The following GREB1 variants were observed in gnomAD, a reference collection of about 807,000 sequenced individuals.
GREB1 encodes growth regulating estrogen receptor binding 1, also known as protein GREB1.
In GREB1, 106 loss-of-function variants were observed where a neutral mutation model predicts 200.7. That is an observed-to-expected ratio of 0.53 (90% CI 0.45 to 0.62). The LOEUF (loss-of-function observed/expected upper bound fraction) is 0.62, where lower values mean the gene tolerates loss of function less well. GREB1 is among the 20% of genes least tolerant of loss of function. The pLI is 0.00. For synonymous variants in GREB1, 1,132 were observed against 1,092.4 expected (o/e 1.04, Z -0.72); for missense variants, 2,243 against 2,556.8 (o/e 0.88, Z 2.65).
chr2:11,600,319 G>A (rs548814304), intron 15 of GREB1, among the ~76,000 whole-genome samples: 1 of 152,140 alleles, frequency 6.6e-6, no homozygotes, highest in African/African-American at 2.4e-5. Flanking sequence ...TGCAGAGCTG[G>A]GCCTGTCTCC....
At chr2:11,627,592 C>A (rs2148405441) in intron 25 of GREB1, among the ~76,000 whole-genome samples, 1 of 152,358 alleles carries the variant, frequency 6.6e-6, no homozygotes, top group Non-Finnish European at 1.5e-5. Context: ...TATTGAGCAC[C>A]TACTGCATGC....
At chr2:11,535,799 T>C (rs1311440500) in intron 1 of GREB1, among the ~76,000 whole-genome samples, 4 of 152,176 alleles carry the variant, frequency 2.6e-5, no homozygotes. Flanking sequence ...ATTTGTTTTA[T>C]CTTCCCCACT....
intron 4 of GREB1, 81 bp from the exon 5 acceptor site, chr2:11,576,272 A>G: frequency 8.6e-7 from 1 of 1,168,218 alleles, no homozygotes; most frequent in Non-Finnish European, 1.2e-6. Flanking sequence ...GCACCATTGC[A>G]TTCCAGCCTA....
At chr2:11,603,878 G>A (rs932220239) in intron 17 of GREB1, among the ~76,000 whole-genome samples, 2 of 152,224 alleles carry the variant, frequency 1.3e-5, no homozygotes, top group Non-Finnish European at 2.9e-5. Flanking sequence ...GTGACACAGT[G>A]AGATAGGAAA....
chr2:11,578,134 C>T (rs1221584283), intron 5 of GREB1, among the ~76,000 whole-genome samples, 163 bp from the exon 6 acceptor site: 1 of 152,226 alleles, frequency 6.6e-6, no homozygotes, highest in Non-Finnish European at 1.5e-5. Flanking sequence ...AGTCGCACCC[C>T]TGCCCTGGCT....
chr2:11,614,143 T>G (rs1372688247), intron 19 of GREB1, among the ~76,000 whole-genome samples: 1 of 142,626 alleles, frequency 7.0e-6, no homozygotes, highest in African/African-American at 3.0e-5. Flanking sequence ...TTTTTTTTTT[T>G]TGAGACGGAG....
rs754551685 is a variant in GREB1, at chr2:11,548,431, A to G, written c.-161-8023A>G. Reference sequence around the variant, plus strand: ...GCCTTTCCCTTTTCTCATTCTTCCAAAATAGTTATATCAAAACTTTGTTTG... The same window carrying G: ...GCCTTTCCCTTTTCTCATTCTTCCAGAATAGTTATATCAAAACTTTGTTTG... On this transcript the variant is annotated intron_variant, in intron 1 of 32. Transcript: ENST00000381486. The surrounding 1 kb of genome is among the most constrained non-coding windows in gnomAD (Gnocchi z 5.1). Among the ~76,000 whole-genome samples the G allele has an allele frequency of 3.3e-5, 5 of 152,178 alleles. No individual in the cohort carries two copies. Among genetic ancestry groups the G allele is most frequent in the Non-Finnish European group, 7.3e-5 (5 of 68,034 alleles).
chr2:11,506,328 T>C (rs891739120), intron 1 of GREB1, among the ~76,000 whole-genome samples: 1 of 152,196 alleles, frequency 6.6e-6, no homozygotes, highest in Non-Finnish European at 1.5e-5. Flanking sequence ...ATGGTTTATC[T>C]GGGGACTGGG....
intron 21 of GREB1, among the ~76,000 whole-genome samples, chr2:11,617,013 C>T (rs950406866): frequency 3.3e-4 from 50 of 152,254 alleles, no homozygotes; most frequent in Admixed American, 1.2e-3. Context: ...GAGTCCTGGC[C>T]GTGTTAGGGG....
At chr2:11,587,936 T>A in intron 9 of GREB1, 2 of 992,876 alleles carry the variant, frequency 2.0e-6, no homozygotes, top group South Asian at 4.6e-5. Flanking sequence ...AGAATGAATC[T>A]TCTGATGGGC....
chr2:11,576,199 C>G (rs540088124), intron 4 of GREB1, among the ~76,000 whole-genome samples, 154 bp from the exon 5 acceptor site: 1 of 151,928 alleles, frequency 6.6e-6, no homozygotes, highest in Non-Finnish European at 1.5e-5. Flanking sequence ...CCCAGCTATT[C>G]AGGAGGCTGA....
chr2:11,544,917 C>T (rs1572640171), intron 1 of GREB1, among the ~76,000 whole-genome samples: 2 of 152,260 alleles, frequency 1.3e-5, no homozygotes, highest in South Asian at 2.1e-4. Flanking sequence ...CGGGGTCAAA[C>T]GATTCTTGTG....
rs773449963 is a variant in GREB1 at position 11,626,951 on chromosome 2, A to G, written c.4307-11A>G. On this transcript the variant is annotated splice_polypyrimidine_tract_variant and intron_variant, in intron 24 of 32. Transcript: ENST00000381486. ...CCCTGCTGCTTTTTAATCCTGGGGAATTTGGTGCAGACAGAGGGATGTCCC... is the reference window on the plus strand; with the variant it reads ...CCCTGCTGCTTTTTAATCCTGGGGAGTTTGGTGCAGACAGAGGGATGTCCC... The G allele has an allele frequency of 3.1e-6, 5 of 1,613,866 alleles. No individual in the cohort carries two copies. The highest frequency in any genetic ancestry group is 2.2e-5 in the South Asian group (2 of 91,080).
At chr2:11,589,582 G>A (rs1427369427) in intron 10 of GREB1, among the ~76,000 whole-genome samples, 1 of 152,230 alleles carries the variant, frequency 6.6e-6, no homozygotes, top group Non-Finnish European at 1.5e-5. Context: ...AGAAGCCATT[G>A]GAGTATTTTT....
chr2:11,551,932 A>C (rs529980258), intron 1 of GREB1, among the ~76,000 whole-genome samples: 1 of 152,220 alleles, frequency 6.6e-6, no homozygotes, highest in Non-Finnish European at 1.5e-5. Flanking sequence ...GTCACTTGTC[A>C]TTTATAATCT....
In GREB1 at chr2:11,633,562, T is replaced by TA. The variant is rs567327000; in HGVS notation, c.4991+513dup. Among the ~76,000 whole-genome samples, 25,963 of 131,502 alleles carry TA rather than the reference T, an allele frequency of 0.2. 2,709 individuals carry two copies. Among genetic ancestry groups the TA allele is most frequent in the South Asian group, 0.26 (1,071 of 4,128 alleles). The allele number at this position is 131,502 out of a possible 152,430, so 86.3% of individuals were successfully genotyped here. On this transcript the variant is annotated intron_variant, in intron 28 of 32. Coordinates refer to ENST00000381486, the MANE Select transcript of GREB1 (RefSeq NM_014668.4). The surrounding 1 kb of genome is among the most constrained non-coding windows in gnomAD (Gnocchi z 4.1). ...CTGGCAGACAGAGCGAGACTCCGTCTAAAAAAAAAAAAAAGAAAGAAAAAA... is the reference window on the plus strand; with the variant it reads ...CTGGCAGACAGAGCGAGACTCCGTCTAAAAAAAAAAAAAAAGAAAGAAAAAA...
At chr2:11,605,418 G>A (rs553179571) in intron 17 of GREB1, among the ~76,000 whole-genome samples, 2 of 151,880 alleles carry the variant, frequency 1.3e-5, no homozygotes, top group South Asian at 4.2e-4. Context: ...TAGAGACGGG[G>A]TTTCACCACG....
At chr2:11,612,732 C>T (rs1437660653) in intron 19 of GREB1, 122 bp downstream of exon 19, 1 of 626,738 alleles carries the variant, frequency 1.6e-6, no homozygotes, top group South Asian at 1.9e-5. Flanking sequence ...CATTCACAGG[C>T]CCCGTGGGTG....
In GREB1 at chr2:11,548,176, C is replaced by CAA. The variant is rs56763287; in HGVS notation, c.-161-8266_-161-8265dup. On this transcript the variant is annotated intron_variant, in intron 1 of 32. Coordinates refer to ENST00000381486, the MANE Select transcript of GREB1 (RefSeq NM_014668.4). The surrounding 1 kb of genome is among the most constrained non-coding windows in gnomAD (Gnocchi z 5.1). Reference sequence around the variant, plus strand: ...GGGCAACAGAGCAAGACCCTGTCTCCAAAAAAAAAAAAACCCACCACACAT... The same window carrying CAA: ...GGGCAACAGAGCAAGACCCTGTCTCCAAAAAAAAAAAAAAACCCACCACACAT... 2.9e-5 allele frequency among the ~76,000 whole-genome samples: 4 copies of CAA among 136,872 alleles called. No homozygotes were observed. Among genetic ancestry groups the CAA allele is most frequent in the Admixed American group, 7.4e-5 (1 of 13,522 alleles). The allele number at this position is 136,872 out of a possible 152,430, so 89.8% of individuals were successfully genotyped here.
Sources: gnomAD v4.1 joint callset for allele counts (sites outside exome capture counted in the v4.1 genomes callset) on GRCh38, gnomAD v4.1.1 for gene constraint, Gnocchi (gnomAD v3.1) non-coding constraint, MANE v1.5 for transcripts, NCBI Gene and HGNC (gene_info 2026-07-23, HGNC 2026-07-21) for gene names.